The following DNAH12 variants were observed in gnomAD, a reference collection of about 807,000 sequenced individuals.
DNAH12 encodes axonemal beta dynein heavy chain 12.
DNAH12 carries 285 observed loss-of-function variants against 371.5 expected under a neutral mutation model. That is an observed-to-expected ratio of 0.77 (90% confidence interval 0.70 to 0.85). The LOEUF (loss-of-function observed/expected upper bound fraction) is 0.85, where lower values mean the gene tolerates loss of function less well. Ranked by LOEUF, DNAH12 falls within the 40% of genes least tolerant of loss-of-function variation. DNAH12 has a pLI of 0.00. For synonymous variants in DNAH12, 1,200 were observed against 1,213.0 expected, an observed-to-expected ratio of 0.99 and a Z score of 0.22; for missense variants, 3,611 against 3,689.4, an observed-to-expected ratio of 0.98 and a Z score of 0.55.
At chr3:57,535,583 C>T (rs2069005723) in intron 2 of DNAH12, among the ~76,000 whole-genome samples, 1 of 152,148 alleles carries the variant, frequency 6.6e-6, no homozygotes, top group Admixed American at 6.5e-5. Context: ...GCTCTTGTTG[C>T]CCAGGCTGGA....
At chr3:57,316,052 T>C (rs546932448) in intron 65 of DNAH12, among the ~76,000 whole-genome samples, 4 of 152,212 alleles carry the variant, frequency 2.6e-5, no homozygotes, top group Admixed American at 6.5e-5. Context: ...AGTCCTGTTA[T>C]CTAGATATTC....
At position 57,519,690 on chromosome 3, in the gene DNAH12, C is replaced by G; in HGVS notation, c.279+3893G>C. Reference sequence around the variant, plus strand: ...GCTCTCATTTGCCGATTCTTTGGGCCACCCAGTCCTGCTGGCAGAGAGGGC... The same window carrying G: ...GCTCTCATTTGCCGATTCTTTGGGCGACCCAGTCCTGCTGGCAGAGAGGGC... On this transcript the variant is annotated intron_variant, in intron 4 of 73. Transcript: ENST00000495027. 2 of 1,608,724 alleles carry G rather than the reference C, an allele frequency of 1.2e-6. 1 individual carries two copies. Among genetic ancestry groups the G allele is most frequent in the Middle Eastern group, 4.5e-4 (2 of 4,428 alleles).
intron 59 of DNAH12, among the ~76,000 whole-genome samples, chr3:57,356,035 G>A (rs1053082532): frequency 6.6e-6 from 1 of 152,164 alleles, no homozygotes; most frequent in African/African-American, 2.4e-5. Flanking sequence ...GAATTTGCCT[G>A]TAGGCATGCA....
intron 62 of DNAH12, among the ~76,000 whole-genome samples, chr3:57,326,086 G>C (rs575296635): frequency 7.2e-5 from 11 of 152,198 alleles, no homozygotes; most frequent in African/African-American, 2.4e-4. Flanking sequence ...CGTCTGATTG[G>C]TGTACTTGAA....
intron 40 of DNAH12, among the ~76,000 whole-genome samples, chr3:57,407,688 G>A (rs1196285396): frequency 6.6e-6 from 1 of 152,108 alleles, no homozygotes; most frequent in Non-Finnish European, 1.5e-5. Flanking sequence ...GATGAGGCTG[G>A]CTCTAGTCTT....
At chr3:57,523,406 T>C (rs1460624607) in intron 4 of DNAH12, among the ~76,000 whole-genome samples, 177 bp downstream of exon 4, 1 of 152,106 alleles carries the variant, frequency 6.6e-6, no homozygotes, top group Non-Finnish European at 1.5e-5. Context: ...AAAAAATCTA[T>C]ATTGCCATAT....
intron 39 of DNAH12, among the ~76,000 whole-genome samples, chr3:57,411,892 CAA>C (rs1421598262): frequency 6.6e-6 from 1 of 152,104 alleles, no homozygotes; most frequent in Non-Finnish European, 1.5e-5. Flanking sequence ...AAGAGAAAAA[CAA>C]AGTCAGAGGA....
At chr3:57,299,641 G>T (rs1198111293) in intron 70 of DNAH12, among the ~76,000 whole-genome samples, 2 of 152,082 alleles carry the variant, frequency 1.3e-5, no homozygotes, top group Non-Finnish European at 2.9e-5. Context: ...AGGTAATTAG[G>T]TCATAAGGGT....
At chr3:57,553,575 T>C in the DNAH12 span, among the ~76,000 whole-genome samples, 4 of 152,170 alleles carry the variant, frequency 2.6e-5, no homozygotes, top group Non-Finnish European at 4.4e-5. Context: ...GGCTTCACCA[T>C]GGCCACCTGT....
chr3:57,516,584 C>A (rs2068206864), intron 4 of DNAH12, among the ~76,000 whole-genome samples: 1 of 152,126 alleles, frequency 6.6e-6, no homozygotes, highest in Non-Finnish European at 1.5e-5. Context: ...CCACATGCAC[C>A]CTACCTGCAA....
At chr3:57,553,091 G>A in the DNAH12 span, among the ~76,000 whole-genome samples, 2 of 152,174 alleles carry the variant, frequency 1.3e-5, no homozygotes, top group African/African-American at 4.8e-5. Flanking sequence ...CAGGAGAATC[G>A]CTTGAACCCA....
chr3:57,448,643 C>T (rs960522513), intron 25 of DNAH12, among the ~76,000 whole-genome samples: 13 of 152,330 alleles, frequency 8.5e-5, no homozygotes, highest in Middle Eastern at 6.8e-3. Context: ...AGGCAGCCTG[C>T]TTTTATTCTC....
chr3:57,413,701 A>T, intron 39 of DNAH12, 45 bp downstream of exon 39: 1 of 1,503,850 alleles, frequency 6.6e-7, no homozygotes, highest in Non-Finnish European at 8.9e-7. Context: ...CTAAAATAAA[A>T]ACTGAGGTAT....
chr3:57,345,289 C>T (rs2062511938), intron 60 of DNAH12, among the ~76,000 whole-genome samples: 1 of 152,084 alleles, frequency 6.6e-6, no homozygotes, highest in Admixed American at 6.5e-5. Context: ...TCTTCTCTGT[C>T]TCTTGGGAGA....
chr3:57,331,935 C>G (rs1318255327), intron 62 of DNAH12, among the ~76,000 whole-genome samples: 1 of 152,124 alleles, frequency 6.6e-6, no homozygotes, highest in African/African-American at 2.4e-5. Flanking sequence ...TCACCCTGGC[C>G]TGCTTTCAGC....
At chr3:57,433,581 T>TCA in intron 31 of DNAH12, 64 bp downstream of exon 31, 1 of 1,533,588 alleles carries the variant, frequency 6.5e-7, no homozygotes, top group Middle Eastern at 1.7e-4. Flanking sequence ...TGAAAATACT[T>TCA]CACGTTTCTT....
At chr3:57,415,174 C>T (rs1174353264) in intron 38 of DNAH12, among the ~76,000 whole-genome samples, 1 of 143,696 alleles carries the variant, frequency 7.0e-6, no homozygotes, top group Non-Finnish European at 1.5e-5. Context: ...ATTCCCTTTA[C>T]CAGTTAAGAA....
At chr3:57,297,527 T>G (rs769065510) in intron 70 of DNAH12, among the ~76,000 whole-genome samples, 5 of 152,060 alleles carry the variant, frequency 3.3e-5, no homozygotes, top group Non-Finnish European at 5.9e-5. Context: ...GGCTAGTTTT[T>G]GTATTTCTAG....
intron 29 of DNAH12, among the ~76,000 whole-genome samples, chr3:57,439,748 A>G (rs2065247565): frequency 6.6e-6 from 1 of 152,124 alleles, no homozygotes; most frequent in African/African-American, 2.4e-5. Context: ...AGAAAAAACA[A>G]CAACCTACAG....
Sources: allele counts gnomAD v4.1 joint callset (sites outside exome capture counted in the v4.1 genomes callset), GRCh38; gene constraint gnomAD v4.1.1; transcripts MANE v1.5; gene names NCBI Gene and HGNC (gene_info 2026-07-23, HGNC 2026-07-21).